The following MCF2L2 variants were observed in gnomAD, a reference collection of about 807,000 sequenced individuals.
MCF2L2 encodes MCF.2 cell line derived transforming sequence-like 2, also known as probable guanine nucleotide exchange factor MCF2L2.
MCF2L2 carries 102 observed loss-of-function variants against 150.2 expected under a neutral mutation model. That is an observed-to-expected ratio of 0.68 (90% CI 0.58 to 0.80). The LOEUF is 0.80. Among genes scored for constraint, MCF2L2 ranks in the 30% least tolerant of loss-of-function variants. MCF2L2 has a pLI of 0.00. For synonymous variants in MCF2L2, 465 were observed against 491.3 expected (o/e 0.95, Z 0.71); for missense variants, 1,256 against 1,372.8 (o/e 0.91, Z 1.34).
At chr3:183,324,238 A>AAG (rs1729935614) in intron 5 of MCF2L2, among the ~76,000 whole-genome samples, 1 of 152,190 alleles carries the variant, frequency 6.6e-6, no homozygotes, top group Non-Finnish European at 1.5e-5. Context: ...ATAAGCTAGC[A>AAG]GTTCCGCTGA....
At chr3:183,370,357 G>A (rs1283174396) in intron 3 of MCF2L2, among the ~76,000 whole-genome samples, 2 of 152,274 alleles carry the variant, frequency 1.3e-5, no homozygotes, top group Non-Finnish European at 2.9e-5. Flanking sequence ...GCCGAGCAAT[G>A]CCCGGGTGGG....
intron 15 of MCF2L2, among the ~76,000 whole-genome samples, chr3:183,247,288 A>C (rs747868280): frequency 1.1e-4 from 17 of 152,218 alleles, no homozygotes; most frequent in Non-Finnish European, 2.1e-4. Flanking sequence ...CTTAAGAGAC[A>C]GGGCCTGTAC....
Position 183,428,161 on chromosome 3 carries a change from G to C in MCF2L2, c.-184C>G. 2 of 588,302 alleles carry C rather than the reference G, an allele frequency of 3.4e-6. No homozygotes were observed. The highest frequency in any genetic ancestry group is 2.9e-5 in the East Asian group (1 of 33,928). 36.4% of individuals were successfully genotyped at this position (588,302 alleles called of 1,614,324 possible). A position where few individuals can be genotyped will look rare whatever the true frequency, so the allele number is the denominator to read the frequency against. On this transcript the variant is annotated 5_prime_UTR_variant, in exon 1 of 30. Transcript: ENST00000328913. The surrounding 1 kb of genome is among the most constrained non-coding windows in gnomAD (Gnocchi z 5.1). ...AGCTCTCCCTCGCCACGCCCCGCGG[G>C]GGCTCCCGTGACAGACCAAGTCTGG...
intron 3 of MCF2L2, among the ~76,000 whole-genome samples, chr3:183,367,753 C>T (rs1712625675): frequency 6.6e-6 from 1 of 152,066 alleles, no homozygotes; most frequent in Non-Finnish European, 1.5e-5. Context: ...TCAATTAGAT[C>T]ACCAGTATGT....
chr3:183,303,861 G>A (rs993664652), intron 10 of MCF2L2, among the ~76,000 whole-genome samples: 1 of 152,122 alleles, frequency 6.6e-6, no homozygotes, highest in Non-Finnish European at 1.5e-5. Context: ...AAACTCTTGA[G>A]CAATGCACAC....
chr3:183,355,221 G>A (rs1711690713), intron 3 of MCF2L2, among the ~76,000 whole-genome samples: 1 of 152,090 alleles, frequency 6.6e-6, no homozygotes, highest in South Asian at 2.1e-4. Flanking sequence ...AGGGGATTGT[G>A]AGGAGGAAGC....
At chr3:183,277,101 G>T in intron 14 of MCF2L2, 144 bp from the exon 15 acceptor site, 1 of 615,670 alleles carries the variant, frequency 1.6e-6, no homozygotes. Context: ...GCTTTCTCAG[G>T]TTTTCCCCAG....
chr3:183,396,001 G>A (rs983472424), intron 1 of MCF2L2, among the ~76,000 whole-genome samples: 3 of 146,176 alleles, frequency 2.1e-5, no homozygotes, highest in African/African-American at 5.1e-5. Context: ...AAAGTTCCTC[G>A]TGGCACCGCC....
intron 5 of MCF2L2, among the ~76,000 whole-genome samples, chr3:183,326,871 C>G (rs1403724754): frequency 3.3e-5 from 5 of 152,114 alleles, no homozygotes; most frequent in African/African-American, 1.2e-4. Flanking sequence ...CCGGCAAACA[C>G]TAATCTGATT....
At position 183,323,207 on chromosome 3, in the gene MCF2L2, T is replaced by C. The variant is rs1471441521; in HGVS notation, c.603+28A>G. On this transcript the variant is annotated intron_variant, in intron 6 of 29. Transcript: ENST00000328913. ...TCTTCCAGAAAACAAGGAGAGACAG[T>C]GAAAAGCACACGTAAGCTGGTACTC... 2.0e-6 allele frequency: 3 copies of C among 1,488,758 alleles called. No individual in the cohort carries two copies. In the African/African-American group the frequency reaches 4.1e-5, roughly 21 times the overall value. The allele number at this position is 1,488,758 out of a possible 1,614,324, so 92.2% of individuals were successfully genotyped here.
chr3:183,325,990 C>A (rs1730008406), intron 5 of MCF2L2, among the ~76,000 whole-genome samples: 2 of 151,870 alleles, frequency 1.3e-5, no homozygotes, highest in South Asian at 4.2e-4. Context: ...TATAGAAATG[C>A]AAAAGACATC....
At chr3:183,304,466 T>A (rs1729003918) in intron 10 of MCF2L2, among the ~76,000 whole-genome samples, 1 of 70,456 alleles carries the variant, frequency 1.4e-5, no homozygotes, top group Admixed American at 1.4e-4. Context: ...GCAGTGATTT[T>A]TTTTTTTTTT....
At chr3:183,360,697 T>C (rs1021018051) in intron 3 of MCF2L2, among the ~76,000 whole-genome samples, 110 of 152,142 alleles carry the variant, frequency 7.2e-4, no homozygotes, top group African/African-American at 2.6e-3. Flanking sequence ...AGGCCAGGCG[T>C]GGTGGGTCAC....
At chr3:183,409,169 T>C (rs1314622138) in intron 1 of MCF2L2, among the ~76,000 whole-genome samples, 3 of 152,252 alleles carry the variant, frequency 2.0e-5, no homozygotes, top group Non-Finnish European at 4.4e-5. Context: ...AAGTGACTAT[T>C]AATAAGCCAA....
At chr3:183,359,602 A>C (rs746223028) in intron 3 of MCF2L2, among the ~76,000 whole-genome samples, 8 of 152,264 alleles carry the variant, frequency 5.3e-5, no homozygotes, top group Non-Finnish European at 1.2e-4. Flanking sequence ...TGACTACATT[A>C]ATTCAGCCAT....
chr3:183,344,610 C>T (rs1281944726), intron 3 of MCF2L2, among the ~76,000 whole-genome samples: 2 of 152,068 alleles, frequency 1.3e-5, no homozygotes, highest in African/African-American at 4.8e-5. Context: ...CTAAATGCCC[C>T]AATTAAAAGA....
intron 6 of MCF2L2, among the ~76,000 whole-genome samples, chr3:183,321,727 T>G (rs1729822646): frequency 6.6e-6 from 1 of 152,198 alleles, no homozygotes; most frequent in Admixed American, 6.5e-5. Context: ...AAAGAATATC[T>G]CTGGTCTTTC....
rs1730587465 is a variant in MCF2L2, at chr3:183,338,709, G to T, written c.486+91C>A. ...AGAACCCTTTTCTCCCTCTCTACCTGTTGAATCTTATCTTGCCCAGAAACC... is the reference window on the plus strand; with the variant it reads ...AGAACCCTTTTCTCCCTCTCTACCTTTTGAATCTTATCTTGCCCAGAAACC... On this transcript the variant is annotated intron_variant, in intron 5 of 29. Coordinates refer to ENST00000328913, the MANE Select transcript of MCF2L2 (RefSeq NM_015078.4). 1.0e-5 allele frequency: 14 copies of T among 1,353,772 alleles called. No homozygotes were observed. The South Asian group carries it at 2.2e-4, about 22-fold the overall frequency. The allele number at this position is 1,353,772 out of a possible 1,614,324, so 83.9% of individuals were successfully genotyped here.
intron 13 of MCF2L2, among the ~76,000 whole-genome samples, chr3:183,292,281 A>G (rs1409137969): frequency 6.6e-6 from 1 of 152,168 alleles, no homozygotes; most frequent in Non-Finnish European, 1.5e-5. Flanking sequence ...CAGGCCAGGC[A>G]TGGTGGCTCA....
Sources: allele counts gnomAD v4.1 joint callset (sites outside exome capture counted in the v4.1 genomes callset), GRCh38; gene constraint gnomAD v4.1.1; non-coding constraint Gnocchi (gnomAD v3.1); transcripts MANE v1.5; gene names NCBI Gene and HGNC (gene_info 2026-07-23, HGNC 2026-07-21).